The following NQO1 variants were observed in gnomAD, a reference collection of about 807,000 sequenced individuals.
NQO1 encodes the protein NAD(P)H quinone dehydrogenase 1.
A neutral mutation model predicts 32.1 loss-of-function variants in NQO1; 30 were observed. That is an observed-to-expected ratio of 0.94 (90% CI 0.70 to 1.27). The LOEUF is 1.27. NQO1 is among the 50% of genes most tolerant of loss of function. The pLI is 0.00. For synonymous variants in NQO1, 109 were observed against 119.7 expected (o/e 0.91, Z 0.59); for missense variants, 276 against 331.3 (o/e 0.83, Z 1.30).
At chr16:69,711,417 G>T in intron 5 of NQO1, 136 bp from the exon 6 acceptor site, 1 of 712,302 alleles carries the variant, frequency 1.4e-6, no homozygotes, top group Non-Finnish European at 2.3e-6. Context: ...AATCAGTTCA[G>T]AGCTAGCGTC....
rs145498187 is a variant in NQO1, at chr16:69,718,215, C to T, written c.211G>A (p.Glu71Lys). ...CCTTCTTTATAAGCCAGAACAGACT[C>T]GGCAGGATACTGAAAGTTCGCAGGG... ...KDPANFQYPAESVLAYKEGHL... is the reference protein window; with the variant it reads ...KDPANFQYPAKSVLAYKEGHL... The change falls in exon 3 of 6, where the codon GAG becomes AAG. Residue 71 changes from glutamate (E) to lysine (K), a missense_variant. Glu to Lys is a moderately conservative substitution (Grantham distance 56, BLOSUM62 1). Coordinates refer to ENST00000320623, the MANE Select transcript of NQO1 (RefSeq NM_000903.3). 20 of 1,613,974 alleles carry T rather than the reference C, an allele frequency of 1.2e-5. No individual in the cohort carries two copies. Among genetic ancestry groups the T allele is most frequent in the African/African-American group, 4.0e-5 (3 of 74,904 alleles).
chr16:69,716,007 A>C (rs561116226), intron 3 of NQO1, among the ~76,000 whole-genome samples: 1 of 151,708 alleles, frequency 6.6e-6, no homozygotes, highest in Admixed American at 6.6e-5. Flanking sequence ...TCTCTACAAA[A>C]AAATTTAAAA....
chr16:69,713,888 G>GTTTTTTTTTTTTTTGTTTGTTTTTTTT (rs376877333), intron 4 of NQO1, among the ~76,000 whole-genome samples: 1 of 130,030 alleles, frequency 7.7e-6, no homozygotes, highest in African/African-American at 2.9e-5. Context: ...TTTTGTTTTT[G>GTTTTTTTTTTTTTTGTTTGTTTTTTTT]TTTTTGATAT....
In NQO1 at chr16:69,718,161, G is replaced by A; in HGVS notation, c.265C>T (p.Gln89Ter). 6.2e-7 allele frequency: 1 copy of A among 1,614,014 alleles called. No individual in the cohort carries two copies. Among genetic ancestry groups the A allele is most frequent in the Non-Finnish European group, 8.5e-7 (1 of 1,179,934 alleles). Reference sequence around the variant, plus strand: ...AGGTCTGCGGCTTCCAGCTTCTTTTGTTCAGCCACAATATCTGGGCTCAGA... The same window carrying A: ...AGGTCTGCGGCTTCCAGCTTCTTTTATTCAGCCACAATATCTGGGCTCAGA... ...GHLSPDIVAE[Q>*]KKLEAADLVI... The change falls in exon 3 of 6, where the codon CAA (glutamine) becomes TAA (stop). Residue 89 changes from glutamine to a stop codon, truncating the protein, a stop_gained. Transcript: ENST00000320623. LOFTEE classifies it high-confidence loss of function.
At chr16:69,711,391 C>T in intron 5 of NQO1, 110 bp from the exon 6 acceptor site, 3 of 829,816 alleles carry the variant, frequency 3.6e-6, no homozygotes, top group Non-Finnish European at 3.8e-6. Flanking sequence ...ATAAGGAGGC[C>T]TCAGGCACAC....
intron 4 of NQO1, 57 bp downstream of exon 4, chr16:69,714,907 C>T (rs1465212907): frequency 3.4e-6 from 4 of 1,193,074 alleles, no homozygotes; most frequent in South Asian, 2.4e-5. Flanking sequence ...AACACCCCTG[C>T]ATCAGGACAG....
At chr16:69,725,741 G>A (rs927020872) in intron 1 of NQO1, among the ~76,000 whole-genome samples, 5 of 152,202 alleles carry the variant, frequency 3.3e-5, no homozygotes, top group African/African-American at 1.2e-4. Context: ...GCGCATGATG[G>A]CGCACTCCTG....
chr16:69,719,094 T>C (rs1317122469), intron 1 of NQO1, among the ~76,000 whole-genome samples: 2 of 151,350 alleles, frequency 1.3e-5, no homozygotes, highest in African/African-American at 4.9e-5. Context: ...AAATGAGACA[T>C]TTACCCATTC....
Position 69,718,238 on chromosome 16 carries a change from G to C in NQO1, c.188C>G (p.Pro63Arg), listed in dbSNP as rs936414816. The change falls in exon 3 of 6, where the codon CCT (proline) becomes CGT (arginine). Residue 63 changes from proline (P) to arginine (R), a missense_variant. Transcript: ENST00000320623. ...RKDITGKLKD[P>R]ANFQYPAESV... ...CTCGGCAGGATACTGAAAGTTCGCA[G>C]GGTCCTTCAGTTTACCTGCAGAGAA... 6.2e-7 allele frequency: 1 copy of C among 1,614,046 alleles called. No individual in the cohort carries two copies. The highest frequency in any genetic ancestry group is 8.5e-7 in the Non-Finnish European group (1 of 1,180,044).
At chr16:69,718,311 C>T in intron 2 of NQO1, 58 bp from the exon 3 acceptor site, 3 of 1,613,034 alleles carry the variant, frequency 1.9e-6, no homozygotes, top group Non-Finnish European at 2.5e-6. Flanking sequence ...GCCAGAGGAC[C>T]CACAGGCAAG....
intron 1 of NQO1, 24 bp from the exon 2 acceptor site, chr16:69,718,558 A>T (rs774707977): frequency 1.2e-6 from 2 of 1,609,838 alleles, no homozygotes; most frequent in Non-Finnish European, 8.5e-7. Flanking sequence ...CACAAAGCAC[A>T]CACGGAAAAC....
rs2038061268 is a variant in NQO1 at position 69,713,012 on chromosome 16, A to G, written c.519+16T>C. The G allele has an allele frequency of 1.9e-6, 3 of 1,602,486 alleles. No individual in the cohort carries two copies. The highest frequency in any genetic ancestry group is 2.6e-6 in the Non-Finnish European group (3 of 1,171,352). On this transcript the variant is annotated intron_variant, in intron 5 of 5. Coordinates refer to ENST00000320623, the MANE Select transcript of NQO1 (RefSeq NM_000903.3). ...CGTCTCAAAGAAAAAAAAGAAAAGAAAAGAAAATGAGGTACCTGAATTGGC... is the reference window on the plus strand; with the variant it reads ...CGTCTCAAAGAAAAAAAAGAAAAGAGAAGAAAATGAGGTACCTGAATTGGC...
chr16:69,713,184 C>G lies in NQO1; in HGVS notation c.418-55G>C, dbSNP rs902632417. ...ACTTCCCTCCACATCCCCTTGGTGA[C>G]AAGAAGTTAATGAAACAGCTCCAGG... On this transcript the variant is annotated intron_variant, in intron 4 of 5. Transcript: ENST00000320623. The G allele has an allele frequency of 1.3e-5, 17 of 1,323,476 alleles. No individual in the cohort carries two copies. The East Asian group carries it at 3.9e-4, about 30-fold the overall frequency. The allele number at this position is 1,323,476 out of a possible 1,614,324, so 82.0% of individuals were successfully genotyped here.
chr16:69,716,350 A>G (rs2038113196), intron 3 of NQO1, among the ~76,000 whole-genome samples: 1 of 150,742 alleles, frequency 6.6e-6, no homozygotes, highest in Non-Finnish European at 1.5e-5. Flanking sequence ...CAAAAAGTCA[A>G]GCGTGGTGGT....
At chr16:69,718,287 G>A in intron 2 of NQO1, 34 bp from the exon 3 acceptor site, 2 of 1,613,606 alleles carry the variant, frequency 1.2e-6, no homozygotes, top group Non-Finnish European at 1.7e-6. Context: ...TGGGGCCAGA[G>A]GGGCCAAAGC....
chr16:69,719,691 T>A (rs1435445675), intron 1 of NQO1, among the ~76,000 whole-genome samples: 2 of 152,278 alleles, frequency 1.3e-5, no homozygotes, highest in East Asian at 3.9e-4. Flanking sequence ...GAGAATCGCT[T>A]GAACCCAGGA....
At chr16:69,717,500 A>C (rs76841725) in intron 3 of NQO1, among the ~76,000 whole-genome samples, 1 of 40,698 alleles carries the variant, frequency 2.5e-5, no homozygotes, top group Non-Finnish European at 9.3e-5. Flanking sequence ...TCGCTAACTG[A>C]AGGAATCGCT....
chr16:69,717,361 T>C (rs2151744977), intron 3 of NQO1, among the ~76,000 whole-genome samples: 1 of 152,332 alleles, frequency 6.6e-6, no homozygotes, highest in South Asian at 2.1e-4. Flanking sequence ...CCCCTTCAGC[T>C]GGCAGGCTAC....
At chr16:69,712,497 G>T (rs1362105473) in intron 5 of NQO1, among the ~76,000 whole-genome samples, 1 of 152,214 alleles carries the variant, frequency 6.6e-6, no homozygotes, top group East Asian at 1.9e-4. Flanking sequence ...CTAGTCCTTG[G>T]CTGGGACAGA....
Sources: allele counts gnomAD v4.1 joint callset (sites outside exome capture counted in the v4.1 genomes callset), GRCh38; gene constraint gnomAD v4.1.1; transcripts MANE v1.5; gene names NCBI Gene and HGNC (gene_info 2026-07-23, HGNC 2026-07-21).